Variants in DGKB observed in about 807,000 individuals in gnomAD.
The protein encoded by DGKB is 90 kDa diacylglycerol kinase.
Under a neutral mutation model 114.3 loss-of-function variants are expected in DGKB, and 67 were observed. The ratio of observed to expected loss-of-function variants is 0.59; its 90% CI spans 0.48 to 0.72. The LOEUF is 0.72. Among genes scored for constraint, DGKB ranks in the 30% least tolerant of loss-of-function variants. The pLI, the probability that DGKB is intolerant of heterozygous loss-of-function variation, is 0.00. For missense variants in DGKB, 907 were observed against 975.2 expected, an observed-to-expected ratio of 0.93 and a Z score of 0.93; for synonymous variants, 398 against 323.1, an observed-to-expected ratio of 1.23 and a Z score of -2.49.
intron 23 of DGKB, among the ~76,000 whole-genome samples, chr7:14,295,861 C>G (rs973794704): frequency 3.3e-5 from 5 of 152,018 alleles, no homozygotes; most frequent in African/African-American, 9.7e-5. Flanking sequence ...CCCTAGCCCC[C>G]CAACCCAGAC....
chr7:14,422,596 T>C (rs1168372204), intron 21 of DGKB, among the ~76,000 whole-genome samples: 2 of 152,032 alleles, frequency 1.3e-5, no homozygotes, highest in Non-Finnish European at 2.9e-5. Flanking sequence ...AATACCTTTA[T>C]ATTATTTTAT....
At chr7:14,811,516 T>A (rs1843428497) in intron 2 of DGKB, among the ~76,000 whole-genome samples, 1 of 152,204 alleles carries the variant, frequency 6.6e-6, no homozygotes, top group Non-Finnish European at 1.5e-5. Context: ...TTCTTATTAT[T>A]CAAACGTGAA....
intron 21 of DGKB, among the ~76,000 whole-genome samples, chr7:14,349,877 A>G (rs1030148522): frequency 6.6e-6 from 1 of 152,168 alleles, no homozygotes; most frequent in Non-Finnish European, 1.5e-5. Flanking sequence ...CTTTAAGAAT[A>G]TGGTAACTCG....
intron 2 of DGKB, among the ~76,000 whole-genome samples, chr7:14,810,366 C>T (rs928627887): frequency 6.7e-6 from 1 of 150,358 alleles, no homozygotes; most frequent in African/African-American, 2.4e-5. Context: ...TATTCTCAGC[C>T]ATGTTTAGAC....
intron 2 of DGKB, among the ~76,000 whole-genome samples, chr7:14,808,236 A>C (rs867310759): frequency 6.6e-5 from 10 of 152,072 alleles, no homozygotes; most frequent in South Asian, 2.1e-4. Context: ...CCAAAATACT[A>C]ATCCCAAAGG....
intron 5 of DGKB, 90 bp downstream of exon 5, chr7:14,735,951 G>T: frequency 1.3e-6 from 1 of 788,496 alleles, no homozygotes; most frequent in Non-Finnish European, 1.9e-6. Flanking sequence ...CAATTTTTAT[G>T]CAAATCATCA....
intron 1 of DGKB, among the ~76,000 whole-genome samples, chr7:14,843,948 T>C (rs541482222): frequency 4.3e-4 from 66 of 152,338 alleles, no homozygotes; most frequent in African/African-American, 1.4e-3. Context: ...AGGTAGGTGC[T>C]AATAGTCTCC....
At chr7:14,762,341 A>G (rs932698252) in intron 2 of DGKB, among the ~76,000 whole-genome samples, 5 of 151,990 alleles carry the variant, frequency 3.3e-5, no homozygotes, top group Non-Finnish European at 7.4e-5. Flanking sequence ...AAATGCACAC[A>G]CCCTGTCAAT....
chr7:14,952,324 C>T (rs1786246794), intron 1 of DGKB, among the ~76,000 whole-genome samples: 1 of 151,930 alleles, frequency 6.6e-6, no homozygotes, highest in Non-Finnish European at 1.5e-5. Flanking sequence ...ATTTATGGTA[C>T]TTTGATATGA....
chr7:14,202,540 T>C (rs912968446), intron 23 of DGKB, among the ~76,000 whole-genome samples: 2 of 152,064 alleles, frequency 1.3e-5, no homozygotes, highest in African/African-American at 4.8e-5. Context: ...ATTTTTATAC[T>C]GACTTTGCTA....
At chr7:14,318,596 C>T (rs1807099051) in intron 23 of DGKB, among the ~76,000 whole-genome samples, 1 of 152,138 alleles carries the variant, frequency 6.6e-6, no homozygotes, top group Admixed American at 6.5e-5. Context: ...GATACCATCT[C>T]ACACCAGTTA....
chr7:14,399,707 C>T (rs978640155), intron 21 of DGKB, among the ~76,000 whole-genome samples: 2 of 151,804 alleles, frequency 1.3e-5, no homozygotes, highest in African/African-American at 4.8e-5. Context: ...TATGGGATGA[C>T]ATCCAAATTA....
At chr7:14,890,712 C>T (rs1781070692) in intron 1 of DGKB, among the ~76,000 whole-genome samples, 2 of 151,188 alleles carry the variant, frequency 1.3e-5, no homozygotes, top group South Asian at 4.2e-4. Flanking sequence ...CACCTATTCT[C>T]CTCACGTGTG....
chr7:14,612,799 T>G (rs1805802590), intron 16 of DGKB, among the ~76,000 whole-genome samples: 1 of 152,158 alleles, frequency 6.6e-6, no homozygotes, highest in South Asian at 2.1e-4. Flanking sequence ...TATGATTTAA[T>G]CATTCATTCA....
chr7:14,522,757 G>A (rs1427184878), intron 20 of DGKB, among the ~76,000 whole-genome samples: 1 of 152,204 alleles, frequency 6.6e-6, no homozygotes, highest in Non-Finnish European at 1.5e-5. Flanking sequence ...AGTTTGTCCA[G>A]CTTTACAGTT....
At chr7:14,595,993 A>G (rs1802512382) in intron 17 of DGKB, among the ~76,000 whole-genome samples, 1 of 152,244 alleles carries the variant, frequency 6.6e-6, no homozygotes, top group South Asian at 2.1e-4. Context: ...TCAATGACTA[A>G]CCTTAAGTAC....
chr7:14,917,254 C>G (rs559339681), intron 1 of DGKB, among the ~76,000 whole-genome samples: 1 of 151,688 alleles, frequency 6.6e-6, no homozygotes, highest in South Asian at 2.1e-4. Flanking sequence ...AAATGTAAAA[C>G]AATCAGATAA....
chr7:14,480,130 C>T (rs1026531945), intron 20 of DGKB, among the ~76,000 whole-genome samples: 5 of 151,694 alleles, frequency 3.3e-5, no homozygotes, highest in Non-Finnish European at 7.4e-5. Context: ...GGGAGAGAGG[C>T]AAGAAGACAG....
chr7:14,796,872 A>G lies in DGKB; in HGVS notation c.71-39141T>C, dbSNP rs758934837. On this transcript the variant is annotated intron_variant, in intron 2 of 25. Coordinates refer to ENST00000402815, the MANE Select transcript of DGKB (RefSeq NM_001350709.2). ...GAATTTTGATAGGAAATCATTAATCATCCACCTTATAGTCTTGATTTGGCT... is the reference window on the plus strand; with the variant it reads ...GAATTTTGATAGGAAATCATTAATCGTCCACCTTATAGTCTTGATTTGGCT... Among the ~76,000 whole-genome samples the G allele has an allele frequency of 3.3e-5, 5 of 152,106 alleles. No homozygotes were observed. The South Asian group carries it at 6.2e-4, about 19-fold the overall frequency.
Sources: allele counts gnomAD v4.1 joint callset (sites outside exome capture counted in the v4.1 genomes callset), GRCh38; gene constraint gnomAD v4.1.1; transcripts MANE v1.5; gene names NCBI Gene and HGNC (gene_info 2026-07-23, HGNC 2026-07-21).